WWOX: variants seen among roughly 807,000 people sequenced by gnomAD.
WWOX encodes WW domain-containing oxidoreductase.
A neutral mutation model predicts 46.2 loss-of-function variants in WWOX; 69 were observed. The ratio of observed to expected loss-of-function variants is 1.49; its 90% CI spans 1.23 to 1.82. The LOEUF (loss-of-function observed/expected upper bound fraction) is 1.82, where lower values mean the gene tolerates loss of function less well. Among genes scored for constraint, WWOX ranks in the 40% most tolerant of loss-of-function variants. The probability of loss-of-function intolerance (pLI) is 0.00; values close to 1 mark genes in which losing one functional copy is unlikely to be tolerated. For missense variants in WWOX, 919 were observed against 542.6 expected, an observed-to-expected ratio of 1.69 and a Z score of -6.89; for synonymous variants, 359 against 202.6, an observed-to-expected ratio of 1.77 and a Z score of -6.56.
intron 8 of WWOX, among the ~76,000 whole-genome samples, chr16:78,594,429 G>GCCTCCCCCCCCCCCCCC (rs1171391505): frequency 9.3e-5 from 3 of 32,380 alleles, no homozygotes; most frequent in Non-Finnish European, 1.6e-4. Context: ...CTGAGGAAAG[G>GCCTCCCCCCCCCCCCCC]CCCCCCCCCC....
chr16:78,306,069 G>C (rs2080128611), intron 5 of WWOX, among the ~76,000 whole-genome samples: 1 of 152,068 alleles, frequency 6.6e-6, no homozygotes, highest in Admixed American at 6.6e-5. Flanking sequence ...TGCCCACAGA[G>C]ACCATGTGGA....
At chr16:78,484,693 T>A (rs1254210130) in intron 8 of WWOX, among the ~76,000 whole-genome samples, 1 of 152,118 alleles carries the variant, frequency 6.6e-6, no homozygotes, top group Non-Finnish European at 1.5e-5. Context: ...GGTTGCTAAT[T>A]TTACTTTTCC....
chr16:78,674,869 G>C (rs1400620254), intron 8 of WWOX, among the ~76,000 whole-genome samples: 1 of 150,282 alleles, frequency 6.7e-6, no homozygotes, highest in South Asian at 2.1e-4. Flanking sequence ...TCTGGATAAA[G>C]TCAGTATACA....
intron 8 of WWOX, among the ~76,000 whole-genome samples, chr16:78,924,448 T>C (rs894470547): frequency 1.3e-5 from 2 of 152,332 alleles, no homozygotes; most frequent in African/African-American, 4.8e-5. Context: ...ATCCCAGCTT[T>C]GGAGTTAAAA....
chr16:78,178,362 G>T (rs926642409), intron 5 of WWOX, among the ~76,000 whole-genome samples: 1 of 152,216 alleles, frequency 6.6e-6, no homozygotes, highest in Non-Finnish European at 1.5e-5. Context: ...TTATTGGACA[G>T]TTGGAAATGT....
intron 8 of WWOX, chr16:79,202,601 A>T (rs1384757703): frequency 6.6e-6 from 1 of 152,220 alleles, no homozygotes. Flanking sequence ...AAGAGAAGGC[A>T]AACAAAAGAA....
At chr16:78,593,278 C>G (rs112606170) in intron 8 of WWOX, among the ~76,000 whole-genome samples, 24 of 152,042 alleles carry the variant, frequency 1.6e-4, no homozygotes, top group African/African-American at 5.3e-4. Context: ...TGGCCTCAAG[C>G]AATCCAGCCA....
At chr16:78,831,097 C>T (rs1223072446) in intron 8 of WWOX, among the ~76,000 whole-genome samples, 2 of 152,160 alleles carry the variant, frequency 1.3e-5, no homozygotes, top group South Asian at 2.1e-4. Flanking sequence ...CCTAGCCCTC[C>T]AGAGCTTGCA....
At chr16:78,483,180 A>G (rs2084538398) in intron 8 of WWOX, among the ~76,000 whole-genome samples, 1 of 152,128 alleles carries the variant, frequency 6.6e-6, no homozygotes, top group African/African-American at 2.4e-5. Flanking sequence ...ATGCACCCAA[A>G]TGTAAAAGAT....
At chr16:78,905,575 C>G (rs1357672794) in intron 8 of WWOX, among the ~76,000 whole-genome samples, 3 of 151,960 alleles carry the variant, frequency 2.0e-5, no homozygotes, top group Non-Finnish European at 4.4e-5. Flanking sequence ...GAAATGGGGT[C>G]TCACCATATT....
intron 5 of WWOX, 142 bp from the exon 6 acceptor site, chr16:78,386,718 T>G (rs540494454): frequency 5.2e-6 from 3 of 571,868 alleles, no homozygotes; most frequent in African/African-American, 3.8e-5. Flanking sequence ...CTTCCATTCA[T>G]TCCGATGATT....
chr16:78,320,057 A>G (rs1406127965), intron 5 of WWOX, among the ~76,000 whole-genome samples: 4 of 152,198 alleles, frequency 2.6e-5, no homozygotes, highest in African/African-American at 9.6e-5. Context: ...TATTTGGGTG[A>G]GAGTATTTGT....
chr16:78,685,789 G>A (rs527850012), intron 8 of WWOX, among the ~76,000 whole-genome samples: 44 of 152,146 alleles, frequency 2.9e-4, no homozygotes, highest in African/African-American at 9.6e-4. Context: ...CCCATGTGTG[G>A]TGTATCTGTA....
At chr16:78,221,929 A>G (rs188905368) in intron 5 of WWOX, among the ~76,000 whole-genome samples, 127 of 152,164 alleles carry the variant, frequency 8.3e-4, no homozygotes, top group Non-Finnish European at 1.5e-3. Flanking sequence ...CTTATACATA[A>G]TCTATTTTCT....
chr16:78,257,413 A>G (rs2038161502), intron 5 of WWOX, among the ~76,000 whole-genome samples: 1 of 152,212 alleles, frequency 6.6e-6, no homozygotes, highest in African/African-American at 2.4e-5. Flanking sequence ...TTTGACAGTT[A>G]CAGGCTCCCG....
At chr16:78,464,754 T>C (rs1419581311) in intron 8 of WWOX, among the ~76,000 whole-genome samples, 1 of 152,090 alleles carries the variant, frequency 6.6e-6, no homozygotes, top group Non-Finnish European at 1.5e-5. Context: ...CCATTCAGTC[T>C]CCTTTTTGGA....
At chr16:78,418,974 G>T (rs1459430361) in intron 6 of WWOX, among the ~76,000 whole-genome samples, 4 of 151,302 alleles carry the variant, frequency 2.6e-5, no homozygotes, top group African/African-American at 9.7e-5. Flanking sequence ...GCAAAAGAAT[G>T]GAAAAAAAAG....
At chr16:79,188,149 A>C (rs1004674372) in intron 8 of WWOX, among the ~76,000 whole-genome samples, 15 of 152,176 alleles carry the variant, frequency 9.9e-5, no homozygotes, top group Admixed American at 9.8e-4. Context: ...CACAGAAGAA[A>C]ACCCACGAAG....
chr16:78,149,321 G>T (rs2034317474), intron 4 of WWOX, among the ~76,000 whole-genome samples: 1 of 152,192 alleles, frequency 6.6e-6, no homozygotes, highest in African/African-American at 2.4e-5. Flanking sequence ...GTCTATAATT[G>T]TAAACTATTG....
Sources: gnomAD v4.1 joint callset for allele counts (sites outside exome capture counted in the v4.1 genomes callset) on GRCh38, gnomAD v4.1.1 for gene constraint, MANE v1.5 for transcripts, NCBI Gene and HGNC (gene_info 2026-07-23, HGNC 2026-07-21) for gene names.